The following GPC5 variants were observed in gnomAD, a reference collection of about 807,000 sequenced individuals.
GPC5 encodes the protein glypican 5.
GPC5 carries 47 observed loss-of-function variants against 53.9 expected under a neutral mutation model. The ratio of observed to expected loss-of-function variants is 0.87; its 90% CI spans 0.69 to 1.11. The LOEUF is 1.11. Among genes scored for constraint, GPC5 ranks in the 50% most tolerant of loss-of-function variants. The probability of loss-of-function intolerance (pLI) is 0.00; values close to 1 mark genes in which losing one functional copy is unlikely to be tolerated. For missense variants in GPC5, 748 were observed against 713.1 expected (o/e 1.05, Z -0.56); for synonymous variants, 286 against 263.3 (o/e 1.09, Z -0.84).
intron 7 of GPC5, among the ~76,000 whole-genome samples, chr13:92,510,712 A>G (rs1880533134): frequency 6.6e-6 from 1 of 152,200 alleles, no homozygotes; most frequent in Non-Finnish European, 1.5e-5. Context: ...TCTGGCTCCT[A>G]GATCTCAGCT....
chr13:92,026,685 A>G (rs2040803543), intron 6 of GPC5, among the ~76,000 whole-genome samples: 2 of 152,114 alleles, frequency 1.3e-5, no homozygotes, highest in South Asian at 4.1e-4. Context: ...TATGTTGTTA[A>G]AAAAGTCTTT....
chr13:91,807,688 A>ATAAT (rs1566275275), intron 5 of GPC5, among the ~76,000 whole-genome samples: 1 of 152,188 alleles, frequency 6.6e-6, no homozygotes. Context: ...ATTTTCATGC[A>ATAAT]TAATTATAAA....
At chr13:92,292,468 G>A (rs1034376412) in intron 7 of GPC5, among the ~76,000 whole-genome samples, 1 of 152,064 alleles carries the variant, frequency 6.6e-6, no homozygotes, top group Admixed American at 6.6e-5. Flanking sequence ...TTGGCCATTT[G>A]TGTATCATCT....
chr13:92,020,839 A>G (rs1162964829), intron 6 of GPC5, among the ~76,000 whole-genome samples: 2 of 152,048 alleles, frequency 1.3e-5, no homozygotes, highest in Non-Finnish European at 2.9e-5. Flanking sequence ...TTAATTTGTT[A>G]CAATCCTACT....
At chr13:92,633,921 T>C (rs11840577) in intron 7 of GPC5, among the ~76,000 whole-genome samples, 10,616 of 152,170 alleles carry the variant, frequency 0.07, 505 homozygotes, top group African/African-American at 0.14. Flanking sequence ...ATGGGTTGCA[T>C]ATGTATGTGT....
intron 7 of GPC5, among the ~76,000 whole-genome samples, chr13:92,428,053 T>G (rs2139370592): frequency 6.6e-6 from 1 of 152,290 alleles, no homozygotes; most frequent in South Asian, 2.1e-4. Context: ...CAAAATGTTT[T>G]ATTGAGTATT....
At chr13:92,259,970 C>A (rs1372738838) in intron 7 of GPC5, among the ~76,000 whole-genome samples, 2 of 152,152 alleles carry the variant, frequency 1.3e-5, no homozygotes, top group African/African-American at 2.4e-5. Flanking sequence ...TAATTCTAGA[C>A]CCAACAAACT....
chr13:91,673,714 T>C (rs1594411341), intron 2 of GPC5, among the ~76,000 whole-genome samples: 2 of 152,166 alleles, frequency 1.3e-5, no homozygotes, highest in South Asian at 4.1e-4. Context: ...ATGAGACTTA[T>C]TGATCTAAGA....
chr13:92,000,146 C>T (rs1312379524), intron 6 of GPC5, among the ~76,000 whole-genome samples: 2 of 152,096 alleles, frequency 1.3e-5, no homozygotes, highest in Non-Finnish European at 2.9e-5. Flanking sequence ...CCTGCTTGTG[C>T]ACCCTTCTCC....
chr13:92,325,671 TA>T lies in GPC5; in HGVS notation c.1561+180688del, dbSNP rs1027341478. 1.5e-4 allele frequency among the ~76,000 whole-genome samples: 23 copies of T among 152,098 alleles called. No homozygotes were observed. The South Asian group carries it at 2.3e-3, about 15-fold the overall frequency. On this transcript the variant is annotated intron_variant, in intron 7 of 7. Transcript: ENST00000377067. ...CACACAATGGAATACTTCTTAGTAA[TA>T]AAAAAGAATGAGCTCTTGGTACACA...
At chr13:91,574,918 T>C (rs192341715) in intron 2 of GPC5, among the ~76,000 whole-genome samples, 7 of 152,224 alleles carry the variant, frequency 4.6e-5, no homozygotes, top group Admixed American at 3.3e-4. Context: ...CAGTTTAAAA[T>C]ACAGATGGCT....
At chr13:92,015,358 C>A (rs1228566625) in intron 6 of GPC5, among the ~76,000 whole-genome samples, 1 of 152,090 alleles carries the variant, frequency 6.6e-6, no homozygotes, top group East Asian at 1.9e-4. Context: ...ATAAAATCCC[C>A]TTTTATAGTT....
Position 92,487,840 on chromosome 13 carries a change from T to TAA in GPC5, c.1561+342870_1561+342871dup, listed in dbSNP as rs66972682. 6.0e-5 allele frequency among the ~76,000 whole-genome samples: 6 copies of TAA among 99,582 alleles called. No homozygotes were observed. The East Asian group carries it at 9.8e-4, about 16-fold the overall frequency. 65.3% of individuals were successfully genotyped at this position (99,582 alleles called of 152,430 possible). On this transcript the variant is annotated intron_variant, in intron 7 of 7. Coordinates refer to ENST00000377067, the MANE Select transcript of GPC5 (RefSeq NM_004466.6). The stretch of plus-strand genomic sequence containing the variant: ...AAATATGGACTATATATAAATATAG[T>TAA]AAAAAAAAAAAAAAAAAAAAGAAAG...
chr13:91,859,055 G>A (rs1264651357), intron 5 of GPC5, among the ~76,000 whole-genome samples: 1 of 147,010 alleles, frequency 6.8e-6, no homozygotes, highest in Non-Finnish European at 1.5e-5. Context: ...TTTTTAGTGT[G>A]GCTAAAGGTT....
intron 7 of GPC5, among the ~76,000 whole-genome samples, chr13:92,632,473 T>C (rs1016713592): frequency 8.1e-6 from 1 of 124,104 alleles, no homozygotes; most frequent in Non-Finnish European, 1.7e-5. Context: ...CATATATATA[T>C]ATATATATAT....
At chr13:91,903,763 A>G (rs1355838828) in intron 5 of GPC5, among the ~76,000 whole-genome samples, 1 of 152,150 alleles carries the variant, frequency 6.6e-6, no homozygotes, top group East Asian at 1.9e-4. Flanking sequence ...TAATTATAAT[A>G]CATTTTATCT....
chr13:92,736,676 G>C (rs1307224372), intron 7 of GPC5, among the ~76,000 whole-genome samples: 13 of 151,736 alleles, frequency 8.6e-5, no homozygotes, highest in Non-Finnish European at 1.6e-4. Context: ...GAATTTATCT[G>C]TTTACCACAA....
chr13:91,524,510 A>G (rs894803876), intron 2 of GPC5, among the ~76,000 whole-genome samples: 1 of 152,182 alleles, frequency 6.6e-6, no homozygotes, highest in Non-Finnish European at 1.5e-5. Context: ...ACAGATATCC[A>G]GATATGTACA....
intron 6 of GPC5, among the ~76,000 whole-genome samples, chr13:92,020,465 C>A (rs1205551910): frequency 6.6e-6 from 1 of 152,050 alleles, no homozygotes; most frequent in Non-Finnish European, 1.5e-5. Context: ...AGGCTTTCTA[C>A]CTCCTCACCA....
Sources: allele counts gnomAD v4.1 joint callset (sites outside exome capture counted in the v4.1 genomes callset), GRCh38; gene constraint gnomAD v4.1.1; transcripts MANE v1.5; gene names NCBI Gene and HGNC (gene_info 2026-07-23, HGNC 2026-07-21).